AIDA: variants seen among roughly 807,000 people sequenced by gnomAD.
AIDA encodes the protein axin interactor, dorsalization associated.
A neutral mutation model predicts 42.7 loss-of-function variants in AIDA; 18 were observed. The ratio of observed to expected loss-of-function variants is 0.42; its 90% confidence interval spans 0.29 to 0.63. AIDA has a LOEUF of 0.63. AIDA is among the 20% of genes least tolerant of loss of function. The pLI is 0.19. For synonymous variants in AIDA, 104 were observed against 122.9 expected (o/e 0.85, Z 1.02); for missense variants, 250 against 354.1 (o/e 0.71, Z 2.36).
chr1:222,676,921 A>G (rs1271193485), intron 6 of AIDA, among the ~76,000 whole-genome samples: 2 of 142,988 alleles, frequency 1.4e-5, no homozygotes, highest in Admixed American at 1.5e-4. Flanking sequence ...AAGCAAAAAA[A>G]CCACAAAAAA....
intron 2 of AIDA, among the ~76,000 whole-genome samples, chr1:222,701,044 T>G (rs1255156961): frequency 6.9e-6 from 1 of 144,282 alleles, no homozygotes; most frequent in African/African-American, 2.6e-5. Flanking sequence ...CTCACTGCAA[T>G]CTCCGCCTCC....
At chr1:222,703,671 G>C (rs1379142995) in intron 1 of AIDA, among the ~76,000 whole-genome samples, 3 of 152,214 alleles carry the variant, frequency 2.0e-5, no homozygotes, top group African/African-American at 7.2e-5. Flanking sequence ...CAATGACAAA[G>C]TGGTAATAAT....
At chr1:222,706,778 G>T (rs1007979512) in intron 1 of AIDA, among the ~76,000 whole-genome samples, 7 of 142,132 alleles carry the variant, frequency 4.9e-5, no homozygotes, top group African/African-American at 1.6e-4. Context: ...GCTGAGGCAC[G>T]AAAATCATGG....
In AIDA at chr1:222,700,981, G is replaced by GC. The variant is rs1056666777; in HGVS notation, c.180+2166_180+2167insG. On this transcript the variant is annotated intron_variant, in intron 2 of 9. Transcript: ENST00000340020. ...TTTCTTGATTTTTTTTGGGGGGGGG[G>GC]GGACAGGGTCTCACTGTGTCGCCCA... is the stretch of plus-strand genomic sequence containing the variant. 8.3e-5 allele frequency among the ~76,000 whole-genome samples: 12 copies of GC among 144,708 alleles called. 1 individual carries two copies. In the South Asian group the frequency reaches 8.9e-4, roughly 11 times the overall value. 94.9% of individuals were successfully genotyped at this position (144,708 alleles called of 152,430 possible). A position where few individuals can be genotyped will look rare whatever the true frequency, so the allele number is the denominator to read the frequency against.
At chr1:222,679,111 A>G (rs994932880) in intron 6 of AIDA, among the ~76,000 whole-genome samples, 1 of 152,218 alleles carries the variant, frequency 6.6e-6, no homozygotes, top group Admixed American at 6.5e-5. Flanking sequence ...CTGAAAACAT[A>G]TATCAATGTA....
chr1:222,702,848 T>C (rs1262673722), intron 2 of AIDA, among the ~76,000 whole-genome samples: 1 of 152,254 alleles, frequency 6.6e-6, no homozygotes, highest in Admixed American at 6.5e-5. Context: ...TTCACCAAAG[T>C]GTGGACTGGG....
chr1:222,698,111 C>T (rs1374882956), intron 2 of AIDA, among the ~76,000 whole-genome samples: 2 of 152,110 alleles, frequency 1.3e-5, no homozygotes, highest in African/African-American at 4.8e-5. Flanking sequence ...GTTATAATGA[C>T]AACACTATCA....
At chr1:222,681,385 C>T (rs991327885) in intron 6 of AIDA, among the ~76,000 whole-genome samples, 5 of 152,142 alleles carry the variant, frequency 3.3e-5, no homozygotes, top group Non-Finnish European at 5.9e-5. Flanking sequence ...GAAAATTGGC[C>T]GGGCATGGTG....
chr1:222,686,848 C>T (rs1571930660), intron 6 of AIDA, 82 bp downstream of exon 6: 7 of 1,510,148 alleles, frequency 4.6e-6, no homozygotes, highest in Middle Eastern at 2.4e-4. Context: ...TACTGCCCCA[C>T]TAGCAAATAC....
intron 2 of AIDA, among the ~76,000 whole-genome samples, chr1:222,698,775 T>C (rs1298737683): frequency 1.3e-5 from 2 of 151,830 alleles, no homozygotes; most frequent in African/African-American, 4.8e-5. Context: ...AAGGGCTCAC[T>C]GTGCACTAGA....
rs1184725718 is a variant in AIDA, at chr1:222,673,551, C to G, written c.584-116G>C. The stretch of plus-strand genomic sequence containing the variant: ...TAGCACTTTGGGAGGCCGAGGCGGG[C>G]AGATGACAAGGTCAGGAGATCAAGA... On this transcript the variant is annotated intron_variant, in intron 7 of 9. Transcript: ENST00000340020. The G allele has an allele frequency of 1.3e-5, 9 of 677,792 alleles. No individual in the cohort carries two copies. In the East Asian group the frequency reaches 3.1e-4, roughly 23 times the overall value. The allele number at this position is 677,792 out of a possible 1,614,324, so 42.0% of individuals were successfully genotyped here.
intron 4 of AIDA, among the ~76,000 whole-genome samples, chr1:222,690,877 T>C (rs894551482): frequency 1.3e-5 from 2 of 152,138 alleles, no homozygotes; most frequent in African/African-American, 4.8e-5. Context: ...CAAATATGGA[T>C]TGAGTGCCTA....
intron 4 of AIDA, among the ~76,000 whole-genome samples, chr1:222,688,433 C>T (rs1389058508): frequency 1.3e-5 from 2 of 152,022 alleles, no homozygotes; most frequent in East Asian, 3.9e-4. Context: ...CAGCGACAGA[C>T]CACATACATG....
intron 4 of AIDA, among the ~76,000 whole-genome samples, chr1:222,690,318 A>G (rs1655337344): frequency 1.3e-5 from 2 of 152,226 alleles, no homozygotes; most frequent in Admixed American, 6.5e-5. Flanking sequence ...GCTGTGACCA[A>G]TCTGTATTTC....
intron 4 of AIDA, among the ~76,000 whole-genome samples, chr1:222,689,420 A>G (rs1470501943): frequency 6.7e-6 from 1 of 148,264 alleles, no homozygotes; most frequent in Non-Finnish European, 1.5e-5. Context: ...AGCCTGGTCA[A>G]CAGAGCCAGA....
chr1:222,708,248 T>C (rs933571786), intron 1 of AIDA, among the ~76,000 whole-genome samples: 2 of 143,380 alleles, frequency 1.4e-5, no homozygotes, highest in Non-Finnish European at 3.1e-5. Flanking sequence ...GAAGTGGAGG[T>C]TGCAGTGAGC....
At chr1:222,670,043 T>C in intron 9 of AIDA, 54 bp from the exon 10 acceptor site, 1 of 1,612,110 alleles carries the variant, frequency 6.2e-7, no homozygotes, top group East Asian at 2.2e-5. Flanking sequence ...ACTGAACTCT[T>C]CAAGGTTAAA....
chr1:222,676,933 AAC>A lies in AIDA; in HGVS notation c.461-717_461-716del, dbSNP rs1491052907. On this transcript the variant is annotated intron_variant, in intron 6 of 9. Transcript: ENST00000340020. ...CTGAAGCAAAAAAACCACAAAAAAAAACAAACAAAAAAAAACCCATCCGTTGA... is the reference window on the plus strand; with the variant it reads ...CTGAAGCAAAAAAACCACAAAAAAAAAAACAAAAAAAAACCCATCCGTTGA... 1.4e-3 allele frequency among the ~76,000 whole-genome samples: 207 copies of A among 150,282 alleles called. 5 individuals carry two copies. In the South Asian group the frequency reaches 0.019, roughly 14 times the overall value.
At chr1:222,697,202 C>G (rs1655545258) in intron 2 of AIDA, among the ~76,000 whole-genome samples, 1 of 151,710 alleles carries the variant, frequency 6.6e-6, no homozygotes. Context: ...CTCGGCCTCC[C>G]AAAGTACTGG....
Sources: allele counts gnomAD v4.1 joint callset (sites outside exome capture counted in the v4.1 genomes callset), GRCh38; gene constraint gnomAD v4.1.1; transcripts MANE v1.5; gene names NCBI Gene and HGNC (gene_info 2026-07-23, HGNC 2026-07-21).